The following HERC3 variants were observed in gnomAD, a reference collection of about 807,000 sequenced individuals.
The protein encoded by HERC3 is probable E3 ubiquitin-protein ligase HERC3.
HERC3 carries 58 observed loss-of-function variants against 129.9 expected under a neutral mutation model. The ratio of observed to expected loss-of-function variants is 0.45; its 90% CI spans 0.36 to 0.56. The LOEUF (loss-of-function observed/expected upper bound fraction) is 0.56. Among genes scored for constraint, HERC3 ranks in the 20% least tolerant of loss-of-function variants. The pLI, the probability that HERC3 is intolerant of heterozygous loss-of-function variation, is 0.00. For missense variants in HERC3, 835 were observed against 1,244.2 expected (o/e 0.67, Z 4.95); for synonymous variants, 430 against 451.0 (o/e 0.95, Z 0.59).
At chr4:88,531,398 A>G in the HERC3 span, among the ~76,000 whole-genome samples, 1 of 152,214 alleles carries the variant, frequency 6.6e-6, no homozygotes, top group Non-Finnish European at 1.5e-5. Flanking sequence ...TATCCTATTC[A>G]TACATATTTT....
At position 88,707,982 on chromosome 4, in the gene HERC3, T is replaced by G. The variant is rs1327668114; in HGVS notation, c.*1022T>G. 4.6e-5 allele frequency: 7 copies of G among 152,600 alleles called. No homozygotes were observed. Among genetic ancestry groups the G allele is most frequent in the African/African-American group, 1.7e-4 (7 of 41,432 alleles). The allele number at this position is 152,600 out of a possible 1,614,324, so 9.5% of individuals were successfully genotyped here. ...CATTCTCTGTTACTTGACTCAGTGC[T>G]CCCTTCCTCTCCTCTCCTTCTAGTG... On this transcript the variant is annotated 3_prime_UTR_variant, in exon 26 of 26. Coordinates refer to ENST00000402738, the MANE Select transcript of HERC3 (RefSeq NM_014606.3).
the HERC3 span, among the ~76,000 whole-genome samples, chr4:88,546,923 C>G: frequency 6.6e-6 from 1 of 151,958 alleles, no homozygotes; most frequent in African/African-American, 2.4e-5. Flanking sequence ...TGTCATATTC[C>G]CCTAGACCAT....
chr4:88,533,368 AC>A, the HERC3 span, among the ~76,000 whole-genome samples: 1 of 152,174 alleles, frequency 6.6e-6, no homozygotes, highest in South Asian at 2.1e-4. Context: ...TCACAGACAC[AC>A]CCAGGAACAA....
chr4:88,557,955 C>G, the HERC3 span, among the ~76,000 whole-genome samples: 1 of 151,160 alleles, frequency 6.6e-6, no homozygotes, highest in Admixed American at 6.6e-5. Flanking sequence ...CCTGTAATCC[C>G]AGCTACTCAG....
At chr4:88,622,245 G>T (rs750335025) in intron 3 of HERC3, among the ~76,000 whole-genome samples, 9 of 152,162 alleles carry the variant, frequency 5.9e-5, no homozygotes, top group Non-Finnish European at 1.2e-4. Context: ...ACGATATGTG[G>T]TCTTCTGTGA....
At chr4:88,597,615 A>G (rs1722541130) in intron 2 of HERC3, among the ~76,000 whole-genome samples, 1 of 152,044 alleles carries the variant, frequency 6.6e-6, no homozygotes, top group Non-Finnish European at 1.5e-5. Context: ...TAGACTTTTC[A>G]ATTCTTGCCA....
Position 88,704,623 on chromosome 4 carries a change from A to T in HERC3, c.2944+13A>T. The T allele has an allele frequency of 6.9e-7, 1 of 1,439,156 alleles. No homozygotes were observed. The highest frequency in any genetic ancestry group is 1.1e-5 in the South Asian group (1 of 87,370). The allele number at this position is 1,439,156 out of a possible 1,614,324, so 89.1% of individuals were successfully genotyped here. A position where few individuals can be genotyped will look rare whatever the true frequency, so the allele number is the denominator to read the frequency against. ...AAGAAGTTTCTCTGTAAGTATCAGT[A>T]ATCTCAATATGGTATTTGTCTACAT... On this transcript the variant is annotated intron_variant, in intron 25 of 25. Transcript: ENST00000402738.
intron 23 of HERC3, among the ~76,000 whole-genome samples, chr4:88,691,272 G>T (rs1280385243): frequency 6.6e-6 from 1 of 152,166 alleles, no homozygotes; most frequent in Non-Finnish European, 1.5e-5. Flanking sequence ...ACTCATCCAT[G>T]CTACTTTAGG....
the HERC3 span, among the ~76,000 whole-genome samples, chr4:88,550,481 A>G: frequency 6.6e-6 from 1 of 151,166 alleles, no homozygotes; most frequent in Non-Finnish European, 1.5e-5. Flanking sequence ...GCATTCTTAT[A>G]CACCAGTAAC....
chr4:88,567,227 TC>T, the HERC3 span, among the ~76,000 whole-genome samples: 1 of 152,210 alleles, frequency 6.6e-6, no homozygotes, highest in South Asian at 2.1e-4. Context: ...CCTTTCTTTA[TC>T]CTTGACCTTT....
chr4:88,621,138 C>T (rs1216918638), intron 3 of HERC3, among the ~76,000 whole-genome samples: 5 of 152,028 alleles, frequency 3.3e-5, no homozygotes, highest in Admixed American at 6.6e-5. Context: ...GTCGGAGTCT[C>T]GCTCTGTCAC....
intron 16 of HERC3, among the ~76,000 whole-genome samples, chr4:88,673,869 C>T (rs1248292893): frequency 1.3e-5 from 2 of 152,208 alleles, no homozygotes; most frequent in African/African-American, 4.8e-5. Context: ...TCGCTCCATC[C>T]TTTGCCTTCC....
the HERC3 span, among the ~76,000 whole-genome samples, chr4:88,541,339 CAAAT>C: frequency 1.3e-5 from 2 of 151,976 alleles, no homozygotes; most frequent in African/African-American, 2.4e-5. Context: ...TCAAAAGAGA[CAAAT>C]AAGGCCATTA....
intron 3 of HERC3, among the ~76,000 whole-genome samples, chr4:88,636,858 A>G (rs1447006046): frequency 2.6e-5 from 4 of 152,160 alleles, no homozygotes; most frequent in Non-Finnish European, 5.9e-5. Flanking sequence ...ACAACTGGCC[A>G]GGTGCGATGG....
intron 2 of HERC3, among the ~76,000 whole-genome samples, chr4:88,596,223 A>G (rs1722375686): frequency 6.6e-6 from 1 of 152,168 alleles, no homozygotes; most frequent in Non-Finnish European, 1.5e-5. Flanking sequence ...GAATTTAGGA[A>G]TGTAAGTCTT....
intron 2 of HERC3, among the ~76,000 whole-genome samples, chr4:88,597,132 G>A (rs910055511): frequency 2.0e-5 from 3 of 152,070 alleles, no homozygotes. Flanking sequence ...TCTTATACGT[G>A]TATCTTGGTG....
At chr4:88,699,380 C>T (rs1182267538) in intron 23 of HERC3, among the ~76,000 whole-genome samples, 1 of 119,628 alleles carries the variant, frequency 8.4e-6, no homozygotes, top group Admixed American at 8.1e-5. Context: ...TCTTCTTCCC[C>T]ACGATCTGTC....
chr4:88,689,460 A>G (rs1733830780), intron 23 of HERC3, among the ~76,000 whole-genome samples: 1 of 151,212 alleles, frequency 6.6e-6, no homozygotes, highest in Non-Finnish European at 1.5e-5. Flanking sequence ...TGGAGGCTGT[A>G]GTAAGCCATG....
the HERC3 span, among the ~76,000 whole-genome samples, chr4:88,558,100 AAAAG>A: frequency 6.6e-6 from 1 of 150,764 alleles, no homozygotes; most frequent in Non-Finnish European, 1.5e-5. Context: ...AAAAAAGAAA[AAAAG>A]AACTAAAAGT....
Sources: allele counts gnomAD v4.1 joint callset (sites outside exome capture counted in the v4.1 genomes callset), GRCh38; gene constraint gnomAD v4.1.1; transcripts MANE v1.5; gene names NCBI Gene and HGNC (gene_info 2026-07-23, HGNC 2026-07-21).